PTK2B: variants seen among roughly 807,000 people sequenced by gnomAD.
The protein encoded by PTK2B is protein tyrosine kinase 2 beta.
In PTK2B, 71 loss-of-function variants were observed where a neutral mutation model predicts 142.9. That is an observed-to-expected ratio of 0.50 (90% confidence interval 0.41 to 0.61). The LOEUF is 0.61. Among genes scored for constraint, PTK2B ranks in the 20% least tolerant of loss-of-function variants. The pLI is 0.00. For missense variants in PTK2B, 1,105 were observed against 1,320.4 expected (o/e 0.84, Z 2.53); for synonymous variants, 519 against 503.4 (o/e 1.03, Z -0.42).
At chr8:27,446,478 G>A (rs912177282) in intron 24 of PTK2B, among the ~76,000 whole-genome samples, 6 of 152,234 alleles carry the variant, frequency 3.9e-5, no homozygotes, top group South Asian at 4.2e-4. Flanking sequence ...TCTTTGTCAC[G>A]GGGGGTTGTT....
chr8:27,374,596 G>T (rs1344366310), intron 1 of PTK2B, among the ~76,000 whole-genome samples: 2 of 152,226 alleles, frequency 1.3e-5, no homozygotes, highest in Non-Finnish European at 2.9e-5. Flanking sequence ...ACTGTCCCCA[G>T]TTACCTGGTA....
intron 21 of PTK2B, among the ~76,000 whole-genome samples, chr8:27,441,933 C>T (rs1179246624): frequency 3.3e-5 from 5 of 152,056 alleles, no homozygotes; most frequent in Admixed American, 1.3e-4. Context: ...TCAGAGGCAT[C>T]GACCAGGCCT....
intron 30 of PTK2B, among the ~76,000 whole-genome samples, chr8:27,457,925 A>C (rs192448668): frequency 3.8e-4 from 57 of 148,730 alleles, no homozygotes; most frequent in African/African-American, 1.4e-3. Flanking sequence ...CAGTGAGTTG[A>C]AATTGCACCA....
intron 1 of PTK2B, among the ~76,000 whole-genome samples, chr8:27,336,273 C>A (rs1804057898): frequency 1.3e-5 from 2 of 152,176 alleles, no homozygotes; most frequent in African/African-American, 4.8e-5. Context: ...GCACCTGTGA[C>A]CCCAAAAGAT....
intron 1 of PTK2B, among the ~76,000 whole-genome samples, chr8:27,376,108 G>A (rs1422403988): frequency 6.6e-6 from 1 of 152,228 alleles, no homozygotes; most frequent in Non-Finnish European, 1.5e-5. Flanking sequence ...TAAAGCCATG[G>A]GAGAGAGTCC....
intron 2 of PTK2B, among the ~76,000 whole-genome samples, chr8:27,408,719 A>G (rs1808875931): frequency 6.6e-6 from 1 of 152,230 alleles, no homozygotes; most frequent in Non-Finnish European, 1.5e-5. Flanking sequence ...TCATAACCGT[A>G]TACCAATTAA....
rs952070960 is a variant in PTK2B at position 27,375,181 on chromosome 8, G to A, written c.-37-22367G>A. ...GAGGACATGGGCTCAGGAGTGCCAA[G>A]GCTGCAGCATAGGGAGTTTCTGGGG... On this transcript the variant is annotated intron_variant, in intron 1 of 30. Coordinates refer to ENST00000346049, the MANE Select transcript of PTK2B (RefSeq NM_173176.3). Among the ~76,000 whole-genome samples the A allele has an allele frequency of 3.3e-5, 5 of 152,334 alleles. No homozygotes were observed. In the South Asian group the frequency reaches 8.3e-4, roughly 25 times the overall value.
intron 2 of PTK2B, among the ~76,000 whole-genome samples, chr8:27,403,834 T>C (rs1808530900): frequency 6.6e-6 from 1 of 152,022 alleles, no homozygotes; most frequent in African/African-American, 2.4e-5. Context: ...TCTTTTTTCT[T>C]CTTTCTTCTC....
chr8:27,390,316 G>A (rs547835635), intron 1 of PTK2B, among the ~76,000 whole-genome samples: 1 of 152,164 alleles, frequency 6.6e-6, no homozygotes, highest in Admixed American at 6.5e-5. Context: ...CCTGCACTTA[G>A]GAGGTCAGTT....
At chr8:27,333,319 A>G (rs1394105089) in intron 1 of PTK2B, among the ~76,000 whole-genome samples, 1 of 152,246 alleles carries the variant, frequency 6.6e-6, no homozygotes, top group African/African-American at 2.4e-5. Context: ...TGGAAGTCCC[A>G]GACAGCCATG....
At chr8:27,321,682 A>G (rs527304954), upstream of PTK2B, among the ~76,000 whole-genome samples, 2 of 152,316 alleles carry the variant, frequency 1.3e-5, no homozygotes, top group South Asian at 2.1e-4. Flanking sequence ...CTACTCTTCA[A>G]CCATTGCGGA....
chr8:27,396,653 C>A (rs1009599736), intron 1 of PTK2B, among the ~76,000 whole-genome samples: 1 of 152,260 alleles, frequency 6.6e-6, no homozygotes, highest in African/African-American at 2.4e-5. Context: ...ATATCCACTT[C>A]TTCCTTTGGG....
chr8:27,315,416 T>G (rs1485484292), intron 3 of PTK2B, among the ~76,000 whole-genome samples: 2 of 152,100 alleles, frequency 1.3e-5, no homozygotes, highest in African/African-American at 4.8e-5. Flanking sequence ...AAAATTAACC[T>G]TAGAGGCAAT....
chr8:27,392,254 GTC>G (rs1563246696), intron 1 of PTK2B, among the ~76,000 whole-genome samples: 2 of 151,610 alleles, frequency 1.3e-5, no homozygotes, highest in Admixed American at 1.3e-4. Flanking sequence ...GTACCTGAAG[GTC>G]AGTCATGGTG....
chr8:27,331,459 GTT>G (rs984835713), intron 1 of PTK2B, among the ~76,000 whole-genome samples: 1 of 103,604 alleles, frequency 9.7e-6, no homozygotes, highest in East Asian at 2.2e-4. Context: ...TCATTTTCTG[GTT>G]TTTTTTTTTC....
intron 27 of PTK2B, chr8:27,452,802 G>A: frequency 2.7e-5 from 13 of 486,020 alleles, no homozygotes; most frequent in Non-Finnish European, 3.7e-5. Flanking sequence ...AGATCACCCA[G>A]TACTGTTCCT....
chr8:27,355,395 G>A (rs1335813199), intron 1 of PTK2B, among the ~76,000 whole-genome samples: 8 of 152,124 alleles, frequency 5.3e-5, no homozygotes, highest in African/African-American at 7.2e-5. Flanking sequence ...GATGGAGGAA[G>A]GAACCGCGAG....
intron 1 of PTK2B, among the ~76,000 whole-genome samples, chr8:27,387,247 G>A (rs1807421836): frequency 6.6e-6 from 1 of 152,124 alleles, no homozygotes; most frequent in Non-Finnish European, 1.5e-5. Context: ...GAAGAAAGGG[G>A]ACCCCAGGCA....
At chr8:27,378,959 G>C (rs1806845917) in intron 1 of PTK2B, among the ~76,000 whole-genome samples, 1 of 152,112 alleles carries the variant, frequency 6.6e-6, no homozygotes, top group Admixed American at 6.6e-5. Flanking sequence ...AAGGGCCCCG[G>C]CACCGTTATG....
Sources: gnomAD v4.1 joint callset for allele counts (sites outside exome capture counted in the v4.1 genomes callset) on GRCh38, gnomAD v4.1.1 for gene constraint, MANE v1.5 for transcripts, NCBI Gene and HGNC (gene_info 2026-07-23, HGNC 2026-07-21) for gene names.